The following RMDN1 variants were observed in gnomAD, a reference collection of about 807,000 sequenced individuals.
RMDN1 encodes the protein regulator of microtubule dynamics 1.
A neutral mutation model predicts 48.9 loss-of-function variants in RMDN1; 48 were observed. The ratio of observed to expected loss-of-function variants is 0.98; its 90% CI spans 0.78 to 1.25. The LOEUF is 1.25. Ranked by LOEUF, RMDN1 falls within the 50% of genes most tolerant of loss-of-function variation. The probability of loss-of-function intolerance (pLI) is 0.00; values close to 1 mark genes in which losing one functional copy is unlikely to be tolerated. For missense variants in RMDN1, 418 were observed against 373.4 expected (o/e 1.12, Z -0.98); for synonymous variants, 148 against 132.6 (o/e 1.12, Z -0.80).
At chr8:86,514,342 T>A, upstream of RMDN1, 2 of 818,758 alleles carry the variant, frequency 2.4e-6, no homozygotes, top group Non-Finnish European at 3.0e-6. Flanking sequence ...CGGAGTCAGC[T>A]CCCTGCGGAT....
At chr8:86,503,371 C>CAAAAAAAAAAAAAAAAAAAAAAAAAAA (rs1182231210) in intron 2 of RMDN1, among the ~76,000 whole-genome samples, 1 of 68,006 alleles carries the variant, frequency 1.5e-5, no homozygotes, top group Non-Finnish European at 2.5e-5. Flanking sequence ...CAAAACAAAA[C>CAAAAAAAAAAAAAAAAAAAAAAAAAAA]AAAAAAAAAA....
intron 8 of RMDN1, chr8:86,475,175 A>G (rs1364662184): frequency 7.5e-6 from 3 of 400,756 alleles, no homozygotes; most frequent in African/African-American, 2.1e-5. Context: ...ACTGCATTAT[A>G]CACATTTCTC....
chr8:86,480,408 A>G (rs1814174656), intron 5 of RMDN1, 76 bp from the exon 6 acceptor site: 2 of 792,474 alleles, frequency 2.5e-6, no homozygotes, highest in Non-Finnish European at 3.9e-6. Flanking sequence ...TTGCTGAAGA[A>G]GCCATGATTT....
At chr8:86,489,277 C>T (rs1816031499) in intron 2 of RMDN1, among the ~76,000 whole-genome samples, 1 of 152,162 alleles carries the variant, frequency 6.6e-6, no homozygotes, top group Admixed American at 6.5e-5. Context: ...AACTTACTGA[C>T]ACTATGCTCT....
Position 86,472,707 on chromosome 8 carries a change from A to G in RMDN1, c.*1601T>C, listed in dbSNP as rs1812743017. 1 of 508,940 alleles carries G rather than the reference A, an allele frequency of 2.0e-6. No individual in the cohort carries two copies. Among genetic ancestry groups the G allele is most frequent in the South Asian group, 3.1e-5 (1 of 31,854 alleles). 31.5% of individuals were successfully genotyped at this position (508,940 alleles called of 1,614,324 possible). On this transcript the variant is annotated 3_prime_UTR_variant, in exon 10 of 10. Coordinates refer to ENST00000406452, the MANE Select transcript of RMDN1 (RefSeq NM_016033.3). ...CTGTGCGAGTTATGTCATATTTTTT[A>G]CTGTTAAGTACTTATGCATGAATAA... is the stretch of plus-strand genomic sequence containing the variant.
chr8:86,487,275 A>T (rs1245906761), intron 3 of RMDN1, among the ~76,000 whole-genome samples: 1 of 152,204 alleles, frequency 6.6e-6, no homozygotes, highest in Non-Finnish European at 1.5e-5. Flanking sequence ...TGGTTAATAA[A>T]TTATTAACCA....
intron 2 of RMDN1, among the ~76,000 whole-genome samples, chr8:86,495,629 A>G (rs1164374592): frequency 1.3e-5 from 2 of 152,042 alleles, no homozygotes; most frequent in Non-Finnish European, 2.9e-5. Flanking sequence ...GCCTGGCCGC[A>G]CCCGTAGGCA....
chr8:86,489,686 TG>T (rs931062365), intron 2 of RMDN1, among the ~76,000 whole-genome samples: 16 of 151,998 alleles, frequency 1.1e-4, no homozygotes, highest in Admixed American at 4.6e-4. Context: ...AAAAATTAGC[TG>T]GGCGTGATGG....
chr8:86,482,679 G>A (rs537487189), intron 5 of RMDN1: 7 of 903,404 alleles, frequency 7.7e-6, no homozygotes, highest in African/African-American at 4.9e-5. Context: ...AAGACTTTAT[G>A]GAGTTCATGA....
At chr8:86,507,729 A>T (rs990696816) in intron 1 of RMDN1, among the ~76,000 whole-genome samples, 1 of 152,162 alleles carries the variant, frequency 6.6e-6, no homozygotes, top group Non-Finnish European at 1.5e-5. Flanking sequence ...CTCTCTGCCT[A>T]TATTATCTAT....
intron 2 of RMDN1, among the ~76,000 whole-genome samples, chr8:86,493,278 C>G (rs1816807094): frequency 6.6e-6 from 1 of 151,982 alleles, no homozygotes; most frequent in South Asian, 2.1e-4. Flanking sequence ...TCCTCAAAAA[C>G]TAAAAATGGA....
chr8:86,487,763 A>C (rs1815725551), intron 3 of RMDN1, among the ~76,000 whole-genome samples: 1 of 152,144 alleles, frequency 6.6e-6, no homozygotes, highest in Non-Finnish European at 1.5e-5. Flanking sequence ...TTTTCAAGTT[A>C]TCAATGAAAT....
Position 86,503,300 on chromosome 8 carries a change from C to T in RMDN1, c.247+3695G>A, listed in dbSNP as rs951407633. 4.0e-5 allele frequency among the ~76,000 whole-genome samples: 6 copies of T among 150,066 alleles called. No homozygotes were observed. The South Asian group carries it at 6.3e-4, about 16-fold the overall frequency. On this transcript the variant is annotated intron_variant, in intron 2 of 9. Coordinates refer to ENST00000406452, the MANE Select transcript of RMDN1 (RefSeq NM_016033.3). ...CTGGAAGGCAGAGGTTGCAGGGAGC[C>T]GAGATCGCACCACTGCACTCCAGCC... is the stretch of plus-strand genomic sequence containing the variant.
At chr8:86,481,773 A>T (rs1407583046) in intron 5 of RMDN1, 2 of 1,079,396 alleles carry the variant, frequency 1.9e-6, no homozygotes, top group Non-Finnish European at 2.5e-6. Flanking sequence ...TGGAGAAGAG[A>T]TCTTTTCCCA....
In RMDN1 at chr8:86,478,918, A is replaced by T. The variant is rs749864997; in HGVS notation, c.729+5T>A. On this transcript the variant is annotated splice_donor_5th_base_variant and intron_variant, in intron 7 of 9. Transcript: ENST00000406452. ...GTACTAACTTAACAAAGGACATCAT[A>T]CTACCTTCTCATAGGTGGAACTAGG... 6.2e-7 allele frequency: 1 copy of T among 1,607,300 alleles called. No homozygotes were observed. Among genetic ancestry groups the T allele is most frequent in the Non-Finnish European group, 8.5e-7 (1 of 1,173,772 alleles).
chr8:86,472,143 G>T (rs1381694701), downstream of RMDN1, among the ~76,000 whole-genome samples: 1 of 152,146 alleles, frequency 6.6e-6, no homozygotes, highest in East Asian at 1.9e-4. Context: ...CTATTATGAT[G>T]CTTGCAATCA....
chr8:86,473,253 T>C lies in RMDN1; in HGVS notation c.*1055A>G, dbSNP rs1812825240. On this transcript the variant is annotated 3_prime_UTR_variant, in exon 10 of 10. Transcript: ENST00000406452. ...GAAAAATCCACCTACACACACAGTCTGTCTTTATCTAAGTGGATTCAAGAT... is the reference window on the plus strand; with the variant it reads ...GAAAAATCCACCTACACACACAGTCCGTCTTTATCTAAGTGGATTCAAGAT... 8.1e-6 allele frequency: 8 copies of C among 985,064 alleles called. No homozygotes were observed. The South Asian group carries it at 1.4e-4, about 17-fold the overall frequency. 61.0% of individuals were successfully genotyped at this position (985,064 alleles called of 1,614,324 possible). A position where few individuals can be genotyped will look rare whatever the true frequency, so the allele number is the denominator to read the frequency against.
intron 7 of RMDN1, chr8:86,478,168 A>G (rs1813709119): frequency 6.6e-6 from 1 of 152,226 alleles, no homozygotes; most frequent in East Asian, 1.9e-4. Context: ...TACAGGCATG[A>G]GCCACCGTGT....
intron 4 of RMDN1, 61 bp downstream of exon 4, chr8:86,486,423 T>C (rs542954788): frequency 1.4e-4 from 162 of 1,182,546 alleles, no homozygotes; most frequent in Non-Finnish European, 1.7e-4. Flanking sequence ...TCAGAGATAA[T>C]AGAAAAATAT....
Sources: gnomAD v4.1 joint callset for allele counts (sites outside exome capture counted in the v4.1 genomes callset) on GRCh38, gnomAD v4.1.1 for gene constraint, MANE v1.5 for transcripts, NCBI Gene and HGNC (gene_info 2026-07-23, HGNC 2026-07-21) for gene names.